The following A2M variants were observed in gnomAD, a reference collection of about 807,000 sequenced individuals.
A2M encodes the protein C3 and PZP-like alpha-2-macroglobulin domain-containing protein 5.
In A2M, 128 loss-of-function variants were observed where a neutral mutation model predicts 183.9. The observed-to-expected ratio is 0.70, with a 90% CI of 0.60 to 0.81. The LOEUF is 0.81. Among genes scored for constraint, A2M ranks in the 30% least tolerant of loss-of-function variants. The probability of loss-of-function intolerance (pLI) is 0.00; values close to 1 mark genes in which losing one functional copy is unlikely to be tolerated. For synonymous variants in A2M, 592 were observed against 670.8 expected (o/e 0.88, Z 1.81); for missense variants, 1,495 against 1,787.6 (o/e 0.84, Z 2.95).
At position 9,077,834 on chromosome 12, in the gene A2M, G is replaced by C; in HGVS notation, c.3143C>G (p.Thr1048Ser). ...GATGTAGGCTCGAGCTTGGGCAAAA[G>C]TCTTCAGAACAAAGGCTGTGAGCCT... ...NTWLTAFVLK[T>S]FAQARAYIFI... Residue 1048 changes from threonine to serine, a missense_variant, in exon 26 of 36, where the codon ACT (threonine) becomes AGT (serine). By Grantham distance (58) the Thr-to-Ser change is moderately conservative. Coordinates refer to ENST00000318602, the MANE Select transcript of A2M (RefSeq NM_000014.6). 1 of 1,614,136 alleles carries C rather than the reference G, an allele frequency of 6.2e-7. No homozygotes were observed. The highest frequency in any genetic ancestry group is 8.5e-7 in the Non-Finnish European group (1 of 1,180,004).
intron 28 of A2M, among the ~76,000 whole-genome samples, chr12:9,075,136 T>C (rs1364187415): frequency 6.6e-6 from 1 of 152,170 alleles, no homozygotes; most frequent in Non-Finnish European, 1.5e-5. Flanking sequence ...TCCTATAAAG[T>C]GTGTCTTTAT....
chr12:9,084,922 C>T (rs760317966), intron 22 of A2M, among the ~76,000 whole-genome samples: 2 of 151,774 alleles, frequency 1.3e-5, no homozygotes, highest in Non-Finnish European at 2.9e-5. Flanking sequence ...AAAAACTGTA[C>T]AAAGAGACAA....
chr12:9,072,581 T>C (rs1948610013), intron 30 of A2M, 72 bp downstream of exon 30: 1 of 1,599,946 alleles, frequency 6.3e-7, no homozygotes, highest in Non-Finnish European at 8.5e-7. Context: ...CATTGTTTTC[T>C]GAGTTAGGAC....
chr12:9,074,950 G>A (rs1948697184), intron 28 of A2M, among the ~76,000 whole-genome samples, 167 bp from the exon 29 acceptor site: 1 of 152,160 alleles, frequency 6.6e-6, no homozygotes, highest in Non-Finnish European at 1.5e-5. Context: ...GTGTGTTTTA[G>A]CCCAGCTAAG....
chr12:9,077,770 C>A lies in A2M; in HGVS notation c.3207G>T (p.Trp1069Cys). Reference protein sequence around the residue: ...DEAHITQALIWLSQRQKDNGC... With the variant: ...DEAHITQALICLSQRQKDNGC... Reference sequence around the variant, plus strand: ...CATTGTCCTTCTGCCTCTGGGAGAGCCATATGAGGGCTTGGGTAATGTGTG... The same window carrying A: ...CATTGTCCTTCTGCCTCTGGGAGAGACATATGAGGGCTTGGGTAATGTGTG... The change falls in exon 26 of 36, where the codon TGG becomes TGT. Residue 1069 changes from tryptophan to cysteine, a missense_variant. Trp to Cys is a radical substitution (Grantham distance 215, BLOSUM62 -2). Coordinates refer to ENST00000318602, the MANE Select transcript of A2M (RefSeq NM_000014.6). 1 of 1,614,162 alleles carries A rather than the reference C, an allele frequency of 6.2e-7. No individual in the cohort carries two copies. The highest frequency in any genetic ancestry group is 8.5e-7 in the Non-Finnish European group (1 of 1,180,028).
At chr12:9,100,343 A>G (rs1286449558) in intron 13 of A2M, among the ~76,000 whole-genome samples, 1 of 152,258 alleles carries the variant, frequency 6.6e-6, no homozygotes, top group Non-Finnish European at 1.5e-5. Context: ...GAAGAGGTTC[A>G]AGAATATTTA....
At position 9,070,472 on chromosome 12, in the gene A2M, G is replaced by A. The variant is rs750891999; in HGVS notation, c.4194+16C>T. 7.6e-6 allele frequency: 12 copies of A among 1,582,036 alleles called. No individual in the cohort carries two copies. Among genetic ancestry groups the A allele is most frequent in the African/African-American group, 6.7e-5 (5 of 74,456 alleles). On this transcript the variant is annotated intron_variant, in intron 32 of 35. Coordinates refer to ENST00000318602, the MANE Select transcript of A2M (RefSeq NM_000014.6). ...ATTAAATAAAATAGGGCAGTCTGGG[G>A]TTATGATAAACCTACCATTTTCACT...
Position 9,090,418 on chromosome 12 carries a change from G to GGC in A2M, c.2532_2533dup (p.Pro845ArgfsTer17). The GGC allele has an allele frequency of 6.2e-7, 1 of 1,613,998 alleles. No homozygotes were observed. The highest frequency in any genetic ancestry group is 8.5e-7 in the Non-Finnish European group (1 of 1,179,894). ...CCGCCCGTTTGCACAGATGCAGTGA[G>GGC]GCGCTTGTTCCTTCTCCACTGGGAC... is the stretch of plus-strand genomic sequence containing the variant. On this transcript the variant is annotated frameshift_variant, in exon 20 of 36. Coordinates refer to ENST00000318602, the MANE Select transcript of A2M (RefSeq NM_000014.6). LOFTEE classifies it high-confidence loss of function.
At chr12:9,077,677 A>G (rs1440061650) in intron 26 of A2M, 24 bp downstream of exon 26, 1 of 1,611,000 alleles carries the variant, frequency 6.2e-7, no homozygotes, top group African/African-American at 1.3e-5. Flanking sequence ...TGGACAAATC[A>G]AAACTAGCTC....
intron 22 of A2M, among the ~76,000 whole-genome samples, chr12:9,086,895 C>T (rs1360404888): frequency 1.3e-5 from 2 of 152,124 alleles, no homozygotes. Context: ...GCTCAAAAGA[C>T]TTCACCAAAG....
chr12:9,090,646 T>C (rs1949182672), intron 19 of A2M, 164 bp from the exon 20 acceptor site: 1 of 689,512 alleles, frequency 1.5e-6, no homozygotes, highest in Non-Finnish European at 2.3e-6. Flanking sequence ...TGGATCTTAA[T>C]GTATCAGATT....
chr12:9,070,524 G>A lies in A2M; in HGVS notation c.4158C>T (p.Val1386=). ...SNMAIVDVKM[V]SGFIPLKPTV... ...TTGGCTTCAGGGGAATGAAGCCAGAGACCATCTTCACATCAACGATCGCCA... is the reference window on the plus strand; with the variant it reads ...TTGGCTTCAGGGGAATGAAGCCAGAAACCATCTTCACATCAACGATCGCCA... Residue 1386 remains valine (V), a synonymous_variant, in exon 32 of 36, where the codon GTC becomes GTT. Coordinates refer to ENST00000318602, the MANE Select transcript of A2M (RefSeq NM_000014.6). The A allele has an allele frequency of 6.2e-7, 1 of 1,613,866 alleles. No individual in the cohort carries two copies. Among genetic ancestry groups the A allele is most frequent in the Non-Finnish European group, 8.5e-7 (1 of 1,179,818 alleles).
In A2M at chr12:9,110,346, A is replaced by G. The variant is rs1351900875; in HGVS notation, c.484-12T>C. The G allele has an allele frequency of 2.2e-6, 3 of 1,390,774 alleles. No individual in the cohort carries two copies. Among genetic ancestry groups the G allele is most frequent in the Non-Finnish European group, 2.9e-6 (3 of 1,039,496 alleles). 86.2% of individuals were successfully genotyped at this position (1,390,774 alleles called of 1,614,324 possible). On this transcript the variant is annotated splice_polypyrimidine_tract_variant and intron_variant, in intron 4 of 35. Coordinates refer to ENST00000318602, the MANE Select transcript of A2M (RefSeq NM_000014.6). ...TATACTAGTGGAATCTGAAAGACAA[A>G]AGAAAAAAGAAGTTTATAATTATTT...
At chr12:9,076,335 T>G (rs1948747477) in intron 28 of A2M, among the ~76,000 whole-genome samples, 1 of 152,240 alleles carries the variant, frequency 6.6e-6, no homozygotes, top group African/African-American at 2.4e-5. Flanking sequence ...GTAAATACTA[T>G]TATTATCCCC....
chr12:9,079,526 G>A (rs1565582372), intron 24 of A2M, 113 bp downstream of exon 24: 1 of 1,110,738 alleles, frequency 9.0e-7, no homozygotes, highest in African/African-American at 1.6e-5. Context: ...TATCATAGCA[G>A]CTATCATAGT....
Position 9,115,782 on chromosome 12 carries a change from G to A in A2M, c.68C>T (p.Ala23Val), listed in dbSNP as rs1462098295. ...AACTCACGGTTTTCCAGAGACTGAGGCGTCTGTGGGCAGGAGGACCAAGAG... is the reference window on the plus strand; with the variant it reads ...AACTCACGGTTTTCCAGAGACTGAGACGTCTGTGGGCAGGAGGACCAAGAG... Reference protein sequence around the residue: ...LLLLVLLPTDASVSGKPQYMV... With the variant: ...LLLLVLLPTDVSVSGKPQYMV... Residue 23 changes from alanine (A) to valine (V), a missense_variant, in exon 1 of 36, where the codon GCC becomes GTC. Coordinates refer to ENST00000318602, the MANE Select transcript of A2M (RefSeq NM_000014.6). The A allele has an allele frequency of 2.5e-6, 4 of 1,613,200 alleles. No individual in the cohort carries two copies. The highest frequency in any genetic ancestry group is 3.3e-5 in the Admixed American group (2 of 60,010).
chr12:9,077,570 C>T (rs1948783739), intron 26 of A2M, 131 bp downstream of exon 26: 1 of 1,494,770 alleles, frequency 6.7e-7, no homozygotes, highest in Non-Finnish European at 9.1e-7. Flanking sequence ...TCTATCCCCT[C>T]TTTTTTGGTG....
At chr12:9,086,580 A>G (rs1949057775) in intron 22 of A2M, among the ~76,000 whole-genome samples, 1 of 152,256 alleles carries the variant, frequency 6.6e-6, no homozygotes, top group African/African-American at 2.4e-5. Context: ...AGTATTTGAC[A>G]GAATTCAATG....
chr12:9,104,505 T>C, intron 10 of A2M, 105 bp from the exon 11 acceptor site: 2 of 1,219,750 alleles, frequency 1.6e-6, no homozygotes, highest in Non-Finnish European at 2.3e-6. Context: ...TGAACATGGT[T>C]CCAGGCACTG....
Sources: gnomAD v4.1 joint callset for allele counts (sites outside exome capture counted in the v4.1 genomes callset) on GRCh38, gnomAD v4.1.1 for gene constraint, MANE v1.5 for transcripts, NCBI Gene and HGNC (gene_info 2026-07-23, HGNC 2026-07-21) for gene names.